Variants in CNTNAP2 observed in about 807,000 individuals in gnomAD.
The protein encoded by CNTNAP2 is contactin-associated protein-like 2.
A neutral mutation model predicts 155.2 loss-of-function variants in CNTNAP2; 98 were observed. The observed-to-expected ratio is 0.63, with a 90% confidence interval of 0.54 to 0.75. The LOEUF is 0.75. Among genes scored for constraint, CNTNAP2 ranks in the 30% least tolerant of loss-of-function variants. CNTNAP2 has a pLI of 0.00. For synonymous variants in CNTNAP2, 651 were observed against 631.2 expected, an observed-to-expected ratio of 1.03 and a Z score of -0.47; for missense variants, 1,727 against 1,688.1, an observed-to-expected ratio of 1.02 and a Z score of -0.40.
At chr7:146,970,366 A>G (rs1277124380) in intron 3 of CNTNAP2, among the ~76,000 whole-genome samples, 1 of 152,046 alleles carries the variant, frequency 6.6e-6, no homozygotes, top group African/African-American at 2.4e-5. Flanking sequence ...ATTTACAAGA[A>G]AAAAACAAAC....
intron 13 of CNTNAP2, among the ~76,000 whole-genome samples, chr7:147,749,579 C>A (rs1397934968): frequency 6.6e-6 from 1 of 152,168 alleles, no homozygotes; most frequent in Non-Finnish European, 1.5e-5. Context: ...TACTGTTTCC[C>A]AAAAATGATG....
chr7:146,737,463 A>G (rs1563210571), intron 1 of CNTNAP2, among the ~76,000 whole-genome samples: 1 of 152,162 alleles, frequency 6.6e-6, no homozygotes, highest in East Asian at 1.9e-4. Flanking sequence ...CCAGCATTTT[A>G]TTTATTTTAT....
chr7:147,546,403 A>G (rs555769835), intron 11 of CNTNAP2, among the ~76,000 whole-genome samples: 1 of 152,190 alleles, frequency 6.6e-6, no homozygotes, highest in African/African-American at 2.4e-5. Flanking sequence ...TATTACTTAT[A>G]TATTAATTCA....
At chr7:147,727,895 G>A (rs1234258019) in intron 13 of CNTNAP2, among the ~76,000 whole-genome samples, 1 of 151,952 alleles carries the variant, frequency 6.6e-6, no homozygotes, top group Non-Finnish European at 1.5e-5. Context: ...TCTAATATTG[G>A]TGGTAGATTG....
At chr7:146,145,902 G>A (rs1039964416) in intron 1 of CNTNAP2, among the ~76,000 whole-genome samples, 8 of 152,108 alleles carry the variant, frequency 5.3e-5, no homozygotes, top group African/African-American at 1.9e-4. Flanking sequence ...CTGCTGCATT[G>A]CACTTTCAAT....
At chr7:146,221,482 A>T (rs906991575) in intron 1 of CNTNAP2, among the ~76,000 whole-genome samples, 1 of 152,164 alleles carries the variant, frequency 6.6e-6, no homozygotes, top group Non-Finnish European at 1.5e-5. Flanking sequence ...TCCTTGTCTT[A>T]AACCAATCTG....
At chr7:147,297,600 C>T (rs1794855496) in intron 8 of CNTNAP2, among the ~76,000 whole-genome samples, 2 of 152,184 alleles carry the variant, frequency 1.3e-5, no homozygotes, top group African/African-American at 2.4e-5. Context: ...TCACACGAGG[C>T]ATTCCAGATG....
At chr7:146,230,246 AT>A (rs1203566661) in intron 1 of CNTNAP2, among the ~76,000 whole-genome samples, 1 of 152,148 alleles carries the variant, frequency 6.6e-6, no homozygotes, top group Admixed American at 6.5e-5. Context: ...GGCACCAGAG[AT>A]TTTTTTCTAA....
At chr7:146,295,568 C>T (rs1173481867) in intron 1 of CNTNAP2, among the ~76,000 whole-genome samples, 1 of 151,760 alleles carries the variant, frequency 6.6e-6, no homozygotes, top group African/African-American at 2.4e-5. Flanking sequence ...TATTATACCC[C>T]CATTCACCCA....
chr7:147,522,075 C>T (rs1033696216), intron 11 of CNTNAP2, among the ~76,000 whole-genome samples: 1 of 152,210 alleles, frequency 6.6e-6, no homozygotes, highest in African/African-American at 2.4e-5. Flanking sequence ...AGATGGCACT[C>T]TCTCACAAGT....
intron 1 of CNTNAP2, among the ~76,000 whole-genome samples, chr7:146,337,781 GA>G (rs922510245): frequency 6.6e-6 from 1 of 151,958 alleles, no homozygotes; most frequent in African/African-American, 2.4e-5. Flanking sequence ...CTATGATTAT[GA>G]TTTTATTCAT....
At chr7:146,828,972 A>G (rs1803459822) in intron 2 of CNTNAP2, among the ~76,000 whole-genome samples, 1 of 152,042 alleles carries the variant, frequency 6.6e-6, no homozygotes, top group South Asian at 2.1e-4. Context: ...TAGTTTCACC[A>G]CTATCTAGGC....
At chr7:147,601,501 G>T (rs1013180250) in intron 12 of CNTNAP2, among the ~76,000 whole-genome samples, 5 of 151,702 alleles carry the variant, frequency 3.3e-5, no homozygotes, top group Admixed American at 6.6e-5. Context: ...CCATTTTCAC[G>T]TCTTTTGTGA....
intron 15 of CNTNAP2, among the ~76,000 whole-genome samples, chr7:148,072,248 C>T (rs1433731491): frequency 1.3e-5 from 2 of 152,268 alleles, no homozygotes; most frequent in African/African-American, 4.8e-5. Context: ...TACCACCTTG[C>T]TATATTAATG....
intron 23 of CNTNAP2, 99 bp from the exon 24 acceptor site, chr7:148,415,318 G>T: frequency 8.3e-7 from 1 of 1,210,486 alleles, no homozygotes; most frequent in Non-Finnish European, 1.2e-6. Context: ...TTTTATATGG[G>T]AGAGGGCTGT....
chr7:147,761,062 A>G (rs986446487), intron 13 of CNTNAP2, among the ~76,000 whole-genome samples: 4 of 152,184 alleles, frequency 2.6e-5, no homozygotes, highest in Non-Finnish European at 5.9e-5. Context: ...AATTTTCATG[A>G]GATTCCCAAA....
At chr7:146,835,217 CAAT>C (rs1266997561) in intron 2 of CNTNAP2, among the ~76,000 whole-genome samples, 1 of 152,118 alleles carries the variant, frequency 6.6e-6, no homozygotes, top group Non-Finnish European at 1.5e-5. Context: ...ATGCAGCAAA[CAAT>C]AAGTAACTGA....
At position 146,549,939 on chromosome 7, in the gene CNTNAP2, G is replaced by A. The variant is rs114445733; in HGVS notation, c.98-224332G>A. 4.6e-3 allele frequency among the ~76,000 whole-genome samples: 703 copies of A among 152,118 alleles called. 4 individuals are homozygous for A. Among genetic ancestry groups the A allele is most frequent in the African/African-American group, 0.016 (651 of 41,502 alleles). ...AGGTTGAGGATGACCTTAGTGTTGTGCTATTGATTTAGTCTCCATGTTGTT... is the reference window on the plus strand; with the variant it reads ...AGGTTGAGGATGACCTTAGTGTTGTACTATTGATTTAGTCTCCATGTTGTT... On this transcript the variant is annotated intron_variant, in intron 1 of 23. Transcript: ENST00000361727.
rs1799321556 is a variant in CNTNAP2, at chr7:146,227,858, T to C, written c.97+110885T>C. Among the ~76,000 whole-genome samples the C allele has an allele frequency of 2.0e-5, 3 of 152,334 alleles. No individual in the cohort carries two copies. The South Asian group carries it at 6.2e-4, about 32-fold the overall frequency. ...ATAAATAAATAGGAGGTGAGAATTG[T>C]TCCAAGTGAAGGAGAGGTTGGCTGT... On this transcript the variant is annotated intron_variant, in intron 1 of 23. Coordinates refer to ENST00000361727, the MANE Select transcript of CNTNAP2 (RefSeq NM_014141.6).
Sources: gnomAD v4.1 joint callset for allele counts (sites outside exome capture counted in the v4.1 genomes callset) on GRCh38, gnomAD v4.1.1 for gene constraint, MANE v1.5 for transcripts, NCBI Gene and HGNC (gene_info 2026-07-23, HGNC 2026-07-21) for gene names.